STPG2: variants seen among roughly 807,000 people sequenced by gnomAD.
STPG2 encodes the protein sperm tail PG-rich repeat containing 2.
In STPG2, 56 loss-of-function variants were observed where a neutral mutation model predicts 54.2. That is an observed-to-expected ratio of 1.03 (90% CI 0.83 to 1.29). The LOEUF (loss-of-function observed/expected upper bound fraction) is 1.29, where lower values mean the gene tolerates loss of function less well. Among genes scored for constraint, STPG2 ranks in the 50% most tolerant of loss-of-function variants. The probability of loss-of-function intolerance (pLI) is 0.00; values close to 1 mark genes in which losing one functional copy is unlikely to be tolerated. For synonymous variants in STPG2, 200 were observed against 181.8 expected, an observed-to-expected ratio of 1.10 and a Z score of -0.81; for missense variants, 596 against 544.9, an observed-to-expected ratio of 1.09 and a Z score of -0.93.
At chr4:97,472,231 A>G (rs900106542) in intron 4 of STPG2, among the ~76,000 whole-genome samples, 8 of 152,194 alleles carry the variant, frequency 5.3e-5, no homozygotes, top group African/African-American at 1.9e-4. Flanking sequence ...TTCTGTGGGA[A>G]CCAGTGTTAT....
intron 5 of STPG2, among the ~76,000 whole-genome samples, chr4:98,005,903 C>T (rs1277621462): frequency 6.6e-6 from 1 of 152,050 alleles, no homozygotes; most frequent in Admixed American, 6.6e-5. Context: ...GAAAATGGTT[C>T]CCTCTTTTTC....
At chr4:97,444,266 C>A (rs907332563) in intron 4 of STPG2, among the ~76,000 whole-genome samples, 1 of 151,968 alleles carries the variant, frequency 6.6e-6, no homozygotes, top group African/African-American at 2.4e-5. Context: ...CTTTCAGAGC[C>A]AATAGAAAGA....
chr4:98,095,518 T>C (rs1738830838), intron 5 of STPG2, among the ~76,000 whole-genome samples: 2 of 152,154 alleles, frequency 1.3e-5, no homozygotes. Flanking sequence ...CAAGAGTAGC[T>C]ATACTTACAT....
intron 5 of STPG2, among the ~76,000 whole-genome samples, chr4:98,021,879 C>T (rs1242385895): frequency 6.6e-6 from 1 of 151,902 alleles, no homozygotes; most frequent in African/African-American, 2.4e-5. Flanking sequence ...GGTAGATCTT[C>T]CTCCATCCCT....
At chr4:97,693,917 T>G (rs182892408) in intron 10 of STPG2, among the ~76,000 whole-genome samples, 2 of 152,136 alleles carry the variant, frequency 1.3e-5, no homozygotes, top group African/African-American at 4.8e-5. Flanking sequence ...TGAATGATCA[T>G]TGAGTCAACA....
At chr4:97,497,880 T>C (rs899643385) in intron 4 of STPG2, among the ~76,000 whole-genome samples, 12 of 151,868 alleles carry the variant, frequency 7.9e-5, no homozygotes, top group Non-Finnish European at 7.4e-5. Flanking sequence ...TCCCTAGGTT[T>C]TCTATTATTT....
intron 8 of STPG2, among the ~76,000 whole-genome samples, chr4:97,902,884 G>C (rs114079631): frequency 0.018 from 2,796 of 152,204 alleles, 79 homozygotes; most frequent in African/African-American, 0.064. Context: ...GCCAAGATAT[G>C]AAATCAACAT....
rs572676463 is a variant in STPG2, at chr4:97,903,783, T to A, written c.1044+40114A>T. Among the ~76,000 whole-genome samples the A allele has an allele frequency of 3.9e-5, 6 of 152,294 alleles. No individual in the cohort carries two copies. In the South Asian group the frequency reaches 1.0e-3, roughly 26 times the overall value. ...GAAGCAGGGCGAGACATTGCCTCAC[T>A]CGGGAAGCGCAAGGGGTCAGGGAGT... On this transcript the variant is annotated intron_variant, in intron 8 of 10. Coordinates refer to ENST00000295268, the MANE Select transcript of STPG2 (RefSeq NM_174952.3).
intron 8 of STPG2, among the ~76,000 whole-genome samples, chr4:97,860,545 A>T (rs1385001201): frequency 6.8e-6 from 1 of 147,504 alleles, no homozygotes; most frequent in Non-Finnish European, 1.5e-5. Flanking sequence ...AACTGTTGTA[A>T]AAGGGATTGA....
At chr4:97,822,387 C>T (rs978936894) in intron 9 of STPG2, among the ~76,000 whole-genome samples, 3 of 152,210 alleles carry the variant, frequency 2.0e-5, no homozygotes, top group Non-Finnish European at 4.4e-5. Context: ...AAGTTCCAAA[C>T]TTTTCCTCAT....
At chr4:97,577,995 T>C (rs1012475963) in intron 10 of STPG2, among the ~76,000 whole-genome samples, 4 of 152,124 alleles carry the variant, frequency 2.6e-5, no homozygotes, top group African/African-American at 4.8e-5. Context: ...CAGAAATTTA[T>C]AGAATTACAC....
intron 8 of STPG2, among the ~76,000 whole-genome samples, chr4:97,906,681 C>G (rs1393176432): frequency 6.6e-6 from 1 of 151,948 alleles, no homozygotes; most frequent in Non-Finnish European, 1.5e-5. Flanking sequence ...ATCAAGTGGG[C>G]TTCATCCCTG....
chr4:97,908,119 T>C (rs1731520956), intron 8 of STPG2, among the ~76,000 whole-genome samples: 1 of 151,028 alleles, frequency 6.6e-6, no homozygotes, highest in Non-Finnish European at 1.5e-5. Context: ...AACCTACTCA[T>C]CTGACAAAGG....
At chr4:97,915,302 A>C (rs1461331677) in intron 8 of STPG2, among the ~76,000 whole-genome samples, 1 of 152,162 alleles carries the variant, frequency 6.6e-6, no homozygotes, top group Non-Finnish European at 1.5e-5. Flanking sequence ...ATTGCTTGCC[A>C]TGTGCCAAGT....
At chr4:97,595,148 C>T (rs1394678226) in intron 10 of STPG2, among the ~76,000 whole-genome samples, 1 of 152,180 alleles carries the variant, frequency 6.6e-6, no homozygotes, top group East Asian at 1.9e-4. Flanking sequence ...GACACATGCA[C>T]ACATATGTTT....
At chr4:97,562,836 C>T (rs530751326) in intron 10 of STPG2, among the ~76,000 whole-genome samples, 1 of 152,076 alleles carries the variant, frequency 6.6e-6, no homozygotes, top group East Asian at 1.9e-4. Context: ...CTGTGGGATT[C>T]GGTTTGCCAA....
intron 10 of STPG2, among the ~76,000 whole-genome samples, chr4:97,570,200 T>G (rs537925939): frequency 6.6e-6 from 1 of 152,258 alleles, no homozygotes; most frequent in Non-Finnish European, 1.5e-5. Context: ...ATAACATTAT[T>G]GTGATAATGG....
At chr4:97,478,013 C>G (rs751253485) in intron 4 of STPG2, among the ~76,000 whole-genome samples, 4 of 152,062 alleles carry the variant, frequency 2.6e-5, no homozygotes, top group Non-Finnish European at 4.4e-5. Flanking sequence ...AGAGATTAAG[C>G]TATCGCATAA....
At chr4:98,088,536 A>G (rs1414516912) in intron 5 of STPG2, among the ~76,000 whole-genome samples, 1 of 152,004 alleles carries the variant, frequency 6.6e-6, no homozygotes, top group East Asian at 1.9e-4. Context: ...TTTAAATAAT[A>G]ATAATTCAAT....
Sources: gnomAD v4.1 joint callset for allele counts (sites outside exome capture counted in the v4.1 genomes callset) on GRCh38, gnomAD v4.1.1 for gene constraint, MANE v1.5 for transcripts, NCBI Gene and HGNC (gene_info 2026-07-23, HGNC 2026-07-21) for gene names.